Variants in ASTN2 observed in about 807,000 individuals in gnomAD.
The protein encoded by ASTN2 is astrotactin 2.
A neutral mutation model predicts 139.8 loss-of-function variants in ASTN2; 54 were observed. That is an observed-to-expected ratio of 0.39 (90% CI 0.31 to 0.48). ASTN2 has a LOEUF of 0.48. Among genes scored for constraint, ASTN2 ranks in the 20% least tolerant of loss-of-function variants. ASTN2 has a pLI of 0.95. For synonymous variants in ASTN2, 756 were observed against 719.5 expected, an observed-to-expected ratio of 1.05 and a Z score of -0.81; for missense variants, 1,565 against 1,725.1, an observed-to-expected ratio of 0.91 and a Z score of 1.64.
At chr9:117,345,948 C>G (rs1829201021) in intron 1 of ASTN2, among the ~76,000 whole-genome samples, 1 of 145,616 alleles carries the variant, frequency 6.9e-6, no homozygotes, top group Non-Finnish European at 1.5e-5. Flanking sequence ...TCTTGTAACT[C>G]CCATTCTGCC....
intron 2 of ASTN2, among the ~76,000 whole-genome samples, chr9:117,226,819 G>A (rs1359201593): frequency 3.9e-5 from 6 of 152,064 alleles, no homozygotes; most frequent in Non-Finnish European, 5.9e-5. Flanking sequence ...CTGGAGAGTC[G>A]GCAGAATGAA....
intron 13 of ASTN2, among the ~76,000 whole-genome samples, chr9:116,757,435 G>T (rs1212110618): frequency 1.3e-5 from 2 of 152,218 alleles, no homozygotes; most frequent in Non-Finnish European, 2.9e-5. Flanking sequence ...ATGGCTCAGG[G>T]TGTGAGATAT....
At chr9:117,317,627 G>T (rs1193352874) in intron 1 of ASTN2, among the ~76,000 whole-genome samples, 1 of 152,150 alleles carries the variant, frequency 6.6e-6, no homozygotes, top group Non-Finnish European at 1.5e-5. Flanking sequence ...ATGATATCAA[G>T]AGTGTCAAGC....
rs935172527 is a variant in ASTN2 at position 116,956,084 on chromosome 9, T to C, written c.1889+19124A>G. ...ACCAACTAATCAGAACTCTTTTTTC[T>C]TTTTCTTTTCTTTTTTTTTTTTTTT... On this transcript the variant is annotated intron_variant, in intron 10 of 22. Coordinates refer to ENST00000313400, the MANE Select transcript of ASTN2 (RefSeq NM_001365068.1). Among the ~76,000 whole-genome samples, 14 of 140,802 alleles carry C rather than the reference T, an allele frequency of 9.9e-5. No homozygotes were observed. The South Asian group carries it at 2.3e-3, about 23-fold the overall frequency. 92.4% of individuals were successfully genotyped at this position (140,802 alleles called of 152,430 possible).
chr9:117,243,630 C>A (rs1833280440), intron 2 of ASTN2, among the ~76,000 whole-genome samples: 1 of 152,186 alleles, frequency 6.6e-6, no homozygotes, highest in African/African-American at 2.4e-5. Flanking sequence ...CATAACGTCA[C>A]TTGGCTCGAA....
intron 16 of ASTN2, chr9:116,686,986 C>T: frequency 7.0e-7 from 1 of 1,429,998 alleles, no homozygotes; most frequent in Non-Finnish European, 9.1e-7. Context: ...CTGAGGACTA[C>T]CCTGGAGGCT....
chr9:116,752,666 T>G (rs1829430175), intron 13 of ASTN2, among the ~76,000 whole-genome samples: 1 of 152,098 alleles, frequency 6.6e-6, no homozygotes, highest in Non-Finnish European at 1.5e-5. Flanking sequence ...ATACTTAAAA[T>G]TCAACAAGAA....
intron 11 of ASTN2, among the ~76,000 whole-genome samples, chr9:116,830,511 G>C (rs905850536): frequency 4.1e-4 from 63 of 151,976 alleles, no homozygotes; most frequent in Admixed American, 3.9e-4. Context: ...ATTACATTAG[G>C]TCGGTCACGG....
intron 10 of ASTN2, among the ~76,000 whole-genome samples, chr9:116,893,569 C>T (rs1278796426): frequency 6.6e-6 from 1 of 152,156 alleles, no homozygotes; most frequent in East Asian, 1.9e-4. Flanking sequence ...GAACCTGGCT[C>T]TACTTGGTAT....
intron 16 of ASTN2, among the ~76,000 whole-genome samples, chr9:116,702,241 C>T (rs902371181): frequency 1.6e-4 from 25 of 151,948 alleles, no homozygotes; most frequent in Admixed American, 1.6e-3. Context: ...TGAAAATAAC[C>T]TGGTTTCATT....
intron 10 of ASTN2, among the ~76,000 whole-genome samples, chr9:116,866,094 T>C (rs1206320061): frequency 1.3e-5 from 2 of 152,322 alleles, no homozygotes; most frequent in Middle Eastern, 3.4e-3. Flanking sequence ...TTTTAACTTA[T>C]TGATCTTAAT....
intron 11 of ASTN2, among the ~76,000 whole-genome samples, chr9:116,831,366 T>C (rs1322038663): frequency 2.0e-5 from 3 of 151,962 alleles, no homozygotes; most frequent in African/African-American, 4.8e-5. Context: ...AATAAAAATA[T>C]AAATAAAGGT....
At chr9:117,198,628 A>T (rs1831593007) in intron 3 of ASTN2, among the ~76,000 whole-genome samples, 1 of 152,114 alleles carries the variant, frequency 6.6e-6, no homozygotes, top group South Asian at 2.1e-4. Context: ...TTATAGAATG[A>T]TTTATATTCC....
At chr9:117,404,748 C>T (rs2130968347) in intron 1 of ASTN2, among the ~76,000 whole-genome samples, 2 of 152,062 alleles carry the variant, frequency 1.3e-5, no homozygotes, top group African/African-American at 2.4e-5. Context: ...GGACATAGAG[C>T]TTATACAAAT....
chr9:117,387,469 T>C (rs886752374), intron 1 of ASTN2, among the ~76,000 whole-genome samples: 11 of 152,012 alleles, frequency 7.2e-5, no homozygotes, highest in Admixed American at 2.0e-4. Context: ...GAGAGTGACA[T>C]TAACTTAGAA....
intron 4 of ASTN2, among the ~76,000 whole-genome samples, chr9:117,107,924 C>T (rs1475118638): frequency 2.0e-5 from 3 of 152,208 alleles, no homozygotes; most frequent in Admixed American, 2.0e-4. Context: ...CTTCTGATCT[C>T]ATAGTTGCAG....
At position 116,440,662 on chromosome 9, in the gene ASTN2, G is replaced by T. The variant is rs1847813516; in HGVS notation, c.3729C>A (p.His1243Gln). 1.2e-6 allele frequency: 2 copies of T among 1,614,166 alleles called. No individual in the cohort carries two copies. The highest frequency in any genetic ancestry group is 1.7e-6 in the Non-Finnish European group (2 of 1,180,042). The change falls in exon 22 of 23, where the codon CAC (histidine) becomes CAA (glutamine). Residue 1243 changes from histidine to glutamine, a missense_variant. Physicochemically the swap from His to Gln is conservative, Grantham distance 24. Coordinates refer to ENST00000313400, the MANE Select transcript of ASTN2 (RefSeq NM_001365068.1). ...LFRVQHHYNS[H>Q]YEKFGDFVWR... is the part of the protein sequence containing the mutation. ...AGACGAAGTCGCCAAACTTTTCATA[G>T]TGAGAGTTGTAGTGGTGCTGGACTC...
chr9:116,491,014 T>G (rs1849503083), intron 19 of ASTN2, among the ~76,000 whole-genome samples: 1 of 152,216 alleles, frequency 6.6e-6, no homozygotes, highest in Admixed American at 6.5e-5. Context: ...ACAAGCCCCA[T>G]AAACATGTCA....
At chr9:117,346,825 A>G (rs1829234642) in intron 1 of ASTN2, among the ~76,000 whole-genome samples, 1 of 151,998 alleles carries the variant, frequency 6.6e-6, no homozygotes, top group African/African-American at 2.4e-5. Flanking sequence ...CAATATATTC[A>G]TTTCTCTGAA....
Sources: allele counts gnomAD v4.1 joint callset (sites outside exome capture counted in the v4.1 genomes callset), GRCh38; gene constraint gnomAD v4.1.1; transcripts MANE v1.5; gene names NCBI Gene and HGNC (gene_info 2026-07-23, HGNC 2026-07-21).